Variants in DNAJC5B observed in about 807,000 individuals in gnomAD.
DNAJC5B encodes DnaJ heat shock protein family (Hsp40) member C5 beta.
In DNAJC5B, 23 loss-of-function variants were observed where a neutral mutation model predicts 24.7. The observed-to-expected ratio is 0.93, with a 90% CI of 0.67 to 1.32. The LOEUF (loss-of-function observed/expected upper bound fraction) is 1.32. DNAJC5B is among the 40% of genes most tolerant of loss of function. DNAJC5B has a pLI of 0.00. For synonymous variants in DNAJC5B, 101 were observed against 90.1 expected (o/e 1.12, Z -0.68); for missense variants, 238 against 240.8 (o/e 0.99, Z 0.08).
At chr8:66,047,685 C>T (rs1806751400) in intron 2 of DNAJC5B, among the ~76,000 whole-genome samples, 1 of 152,166 alleles carries the variant, frequency 6.6e-6, no homozygotes, top group Admixed American at 6.5e-5. Flanking sequence ...TATGACAGCT[C>T]TTAAGACTTT....
At chr8:66,086,529 T>C (rs1330923924) in intron 5 of DNAJC5B, among the ~76,000 whole-genome samples, 1 of 152,170 alleles carries the variant, frequency 6.6e-6, no homozygotes, top group Non-Finnish European at 1.5e-5. Flanking sequence ...TACATTTACA[T>C]TAAAAAATCT....
chr8:66,048,545 G>A (rs1806775073), intron 2 of DNAJC5B, among the ~76,000 whole-genome samples: 1 of 152,130 alleles, frequency 6.6e-6, no homozygotes, highest in African/African-American at 2.4e-5. Context: ...GGGTAGGGCA[G>A]GGGACCAGTG....
At position 66,026,834 on chromosome 8, in the gene DNAJC5B, A is replaced by T. The variant is rs540836143; in HGVS notation, c.-142+5129A>T. On this transcript the variant is annotated intron_variant, in intron 1 of 5. Transcript: ENST00000276570. ...GAGTCAAGTCCTTGGCACAGCTGTG[A>T]AGCAAGCACTCTAGTTAGTGTCTTT... Among the ~76,000 whole-genome samples, 9 of 152,330 alleles carry T rather than the reference A, an allele frequency of 5.9e-5. No individual in the cohort carries two copies. In the South Asian group the frequency reaches 1.2e-3, roughly 21 times the overall value.
chr8:66,092,663 T>A (rs1807871361), intron 5 of DNAJC5B, among the ~76,000 whole-genome samples: 1 of 152,120 alleles, frequency 6.6e-6, no homozygotes, highest in African/African-American at 2.4e-5. Flanking sequence ...TGTAACCAGT[T>A]CTTACTATTC....
chr8:66,040,380 C>T (rs2128957709), intron 1 of DNAJC5B, among the ~76,000 whole-genome samples: 1 of 132,210 alleles, frequency 7.6e-6, no homozygotes, highest in African/African-American at 4.3e-5. Flanking sequence ...CAGAGTGAGA[C>T]TCCATTTAAA....
rs766338536 is a variant in DNAJC5B, at chr8:66,080,421, C to T, written c.378C>T (p.Cys126=). 4.8e-5 allele frequency: 78 copies of T among 1,613,826 alleles called. No homozygotes were observed. The highest frequency in any genetic ancestry group is 5.5e-5 in the Non-Finnish European group (65 of 1,179,944). Residue 126 remains cysteine (C), a synonymous_variant, in exon 5 of 6, where the codon TGC becomes TGT. Transcript: ENST00000276570. ...GCCTCTTGACGGGCTGCTACTTTTG[C>T]TGCTGCCTGTGCTGCTGCTGCAACT... is the stretch of plus-strand genomic sequence containing the variant. ...IVGLLTGCYF[C]CCLCCCCNCC...
At chr8:66,029,615 G>T (rs918517871) in intron 1 of DNAJC5B, among the ~76,000 whole-genome samples, 1 of 152,176 alleles carries the variant, frequency 6.6e-6, no homozygotes, top group African/African-American at 2.4e-5. Context: ...TTGGTCAAGG[G>T]TAGTGACCAA....
intron 2 of DNAJC5B, among the ~76,000 whole-genome samples, chr8:66,046,566 A>G (rs1353392709): frequency 6.6e-6 from 1 of 152,260 alleles, no homozygotes; most frequent in Non-Finnish European, 1.5e-5. Flanking sequence ...AGAACCAGAT[A>G]GCTCTAAATT....
chr8:66,095,030 G>A (rs1807920074), intron 5 of DNAJC5B, among the ~76,000 whole-genome samples: 1 of 151,976 alleles, frequency 6.6e-6, no homozygotes, highest in East Asian at 1.9e-4. Context: ...TTAGATGTTT[G>A]TGACAATATT....
intron 1 of DNAJC5B, among the ~76,000 whole-genome samples, chr8:66,028,723 C>G (rs1806298980): frequency 1.3e-5 from 2 of 152,190 alleles, no homozygotes; most frequent in South Asian, 4.1e-4. Flanking sequence ...GCCAGTTCTT[C>G]CTGCTGCCAC....
At chr8:66,098,524 T>C (rs1208176789) in intron 5 of DNAJC5B, among the ~76,000 whole-genome samples, 1 of 152,158 alleles carries the variant, frequency 6.6e-6, no homozygotes, top group Non-Finnish European at 1.5e-5. Flanking sequence ...TGTTCTTGGA[T>C]CTATGGATTG....
intron 3 of DNAJC5B, among the ~76,000 whole-genome samples, chr8:66,054,105 A>T (rs903125373): frequency 6.6e-6 from 1 of 151,996 alleles, no homozygotes; most frequent in South Asian, 2.1e-4. Context: ...CTTAATATAC[A>T]TATATTATAA....
intron 5 of DNAJC5B, among the ~76,000 whole-genome samples, chr8:66,082,761 C>A (rs1238657846): frequency 6.6e-6 from 1 of 152,002 alleles, no homozygotes; most frequent in African/African-American, 2.4e-5. Context: ...AGAAAAAGAA[C>A]ACAAAATTGA....
intron 3 of DNAJC5B, among the ~76,000 whole-genome samples, chr8:66,063,464 T>C (rs1807126095): frequency 2.0e-5 from 3 of 152,238 alleles, no homozygotes; most frequent in Admixed American, 2.0e-4. Flanking sequence ...ACAAGATTAA[T>C]TGACATTAAT....
rs776361838 is a variant in DNAJC5B, at chr8:66,080,393, T to G, written c.350T>G (p.Val117Gly). 2 of 1,613,226 alleles carry G rather than the reference T, an allele frequency of 1.2e-6. No homozygotes were observed. Among genetic ancestry groups the G allele is most frequent in the African/African-American group, 2.7e-5 (2 of 74,912 alleles). The change falls in exon 5 of 6, where the codon GTT (valine) becomes GGT (glycine). Residue 117 changes from valine to glycine, a missense_variant. Coordinates refer to ENST00000276570, the MANE Select transcript of DNAJC5B (RefSeq NM_033105.6). ...TTTCCCTAGGCCCTGTTTGTCATCG[T>G]TGGCCTCTTGACGGGCTGCTACTTT... is the stretch of plus-strand genomic sequence containing the variant. ...SWWAKALFVI[V>G]GLLTGCYFCC...
At chr8:66,047,690 G>A (rs1238671141) in intron 2 of DNAJC5B, among the ~76,000 whole-genome samples, 1 of 152,114 alleles carries the variant, frequency 6.6e-6, no homozygotes, top group East Asian at 1.9e-4. Flanking sequence ...CAGCTCTTAA[G>A]ACTTTTATGG....
chr8:66,068,585 G>T (rs192237644), intron 3 of DNAJC5B, among the ~76,000 whole-genome samples: 2 of 149,770 alleles, frequency 1.3e-5, no homozygotes, highest in Non-Finnish European at 3.0e-5. Flanking sequence ...GATGAAAAAT[G>T]GAAAAAGATA....
chr8:66,093,230 A>AT (rs1807883512), intron 5 of DNAJC5B, among the ~76,000 whole-genome samples: 1 of 152,192 alleles, frequency 6.6e-6, no homozygotes, highest in Admixed American at 6.5e-5. Context: ...TGGTGCATGA[A>AT]TGCTAGAGTT....
chr8:66,073,786 T>C (rs1807403888), intron 3 of DNAJC5B, among the ~76,000 whole-genome samples: 1 of 152,106 alleles, frequency 6.6e-6, no homozygotes, highest in African/African-American at 2.4e-5. Flanking sequence ...TTAAAGTAAG[T>C]GAGATTAGAC....
Sources: gnomAD v4.1 joint callset for allele counts (sites outside exome capture counted in the v4.1 genomes callset) on GRCh38, gnomAD v4.1.1 for gene constraint, MANE v1.5 for transcripts, NCBI Gene and HGNC (gene_info 2026-07-23, HGNC 2026-07-21) for gene names.